APOL5: variants seen among roughly 807,000 people sequenced by gnomAD.
APOL5 encodes apolipoprotein L5, also known as apolipoprotein L, 5.
In APOL5, 29 loss-of-function variants were observed where a neutral mutation model predicts 35.5. The ratio of observed to expected loss-of-function variants is 0.82; its 90% CI spans 0.61 to 1.11. The LOEUF (loss-of-function observed/expected upper bound fraction) is 1.11. Ranked by LOEUF, APOL5 falls within the 50% of genes most tolerant of loss-of-function variation. The probability of loss-of-function intolerance (pLI) is 0.00; values close to 1 mark genes in which losing one functional copy is unlikely to be tolerated. For synonymous variants in APOL5, 188 were observed against 200.2 expected (o/e 0.94, Z 0.51); for missense variants, 514 against 530.4 (o/e 0.97, Z 0.30).
At chr22:35,708,652 C>G in the APOL5 span, among the ~76,000 whole-genome samples, 1 of 152,146 alleles carries the variant, frequency 6.6e-6, no homozygotes, top group Non-Finnish European at 1.5e-5. Flanking sequence ...GGTTACAGTT[C>G]TGTTCCAAGA....
chr22:35,720,490 C>G, intron 1 of APOL5, 78 bp from the exon 2 acceptor site: 1 of 1,304,894 alleles, frequency 7.7e-7, no homozygotes, highest in Non-Finnish European at 1.1e-6. Context: ...AGACAGCCAA[C>G]TTTCCCGGAG....
Position 35,725,543 on chromosome 22 carries a change from G to A in APOL5, c.143-668G>A, listed in dbSNP as rs569287406. ...GCTGGGATTACAGGCGTGAGCCACCGCGCCTGGCCAGGACTGGTTTTTTTT... is the reference window on the plus strand; with the variant it reads ...GCTGGGATTACAGGCGTGAGCCACCACGCCTGGCCAGGACTGGTTTTTTTT... On this transcript the variant is annotated intron_variant, in intron 2 of 4. Transcript: ENST00000249044. Among the ~76,000 whole-genome samples, 86 of 151,578 alleles carry A rather than the reference G, an allele frequency of 5.7e-4. 1 individual carries two copies. In the South Asian group the frequency reaches 7.3e-3, roughly 13 times the overall value.
At chr22:35,728,380 C>T (rs1186717503) in intron 3 of APOL5, among the ~76,000 whole-genome samples, 3 of 152,170 alleles carry the variant, frequency 2.0e-5, no homozygotes, top group Non-Finnish European at 4.4e-5. Flanking sequence ...CCCGCCACGA[C>T]GCCTGGCTAA....
the APOL5 span, among the ~76,000 whole-genome samples, chr22:35,708,957 T>C: frequency 5.6e-3 from 857 of 152,314 alleles, 4 homozygotes; most frequent in African/African-American, 0.02. Context: ...CGAATGAACT[T>C]TAATTTCCTT....
chr22:35,721,681 G>A (rs1569151898), intron 2 of APOL5, among the ~76,000 whole-genome samples: 1 of 152,094 alleles, frequency 6.6e-6, no homozygotes. Context: ...TCCTTCCTGG[G>A]TCTGCCTTCA....
chr22:35,723,247 C>A, intron 2 of APOL5, among the ~76,000 whole-genome samples: 1 of 152,178 alleles, frequency 6.6e-6, no homozygotes, highest in Admixed American at 6.5e-5. Context: ...ATCCATCAAA[C>A]CCAAGCCAAG....
At chr22:35,723,479 C>T (rs1927042625) in intron 2 of APOL5, among the ~76,000 whole-genome samples, 1 of 152,210 alleles carries the variant, frequency 6.6e-6, no homozygotes, top group African/African-American at 2.4e-5. Flanking sequence ...AATGATTCAA[C>T]AGGAAAATTG....
At chr22:35,721,876 G>A (rs1033710916) in intron 2 of APOL5, among the ~76,000 whole-genome samples, 5 of 152,150 alleles carry the variant, frequency 3.3e-5, no homozygotes, top group African/African-American at 9.7e-5. Flanking sequence ...GTGTCCATAA[G>A]GTTCTCTAAA....
intron 2 of APOL5, among the ~76,000 whole-genome samples, chr22:35,725,308 C>T (rs527474957): frequency 1.5e-4 from 23 of 152,232 alleles, no homozygotes; most frequent in Non-Finnish European, 2.8e-4. Flanking sequence ...CTCTGTCACC[C>T]AGGCCGGAGT....
chr22:35,721,554 A>AT (rs1333020065), intron 2 of APOL5, among the ~76,000 whole-genome samples: 2 of 151,188 alleles, frequency 1.3e-5, no homozygotes, highest in Non-Finnish European at 1.5e-5. Context: ...TAAAAAAAAA[A>AT]AATCCTTTGG....
chr22:35,728,317 G>C (rs907857477), intron 3 of APOL5, among the ~76,000 whole-genome samples: 1 of 152,134 alleles, frequency 6.6e-6, no homozygotes, highest in Non-Finnish European at 1.5e-5. Context: ...TCCGCCTCCC[G>C]GGTTCACGCC....
chr22:35,713,118 C>T (rs974457467), upstream of APOL5, among the ~76,000 whole-genome samples: 4 of 152,254 alleles, frequency 2.6e-5, no homozygotes, highest in African/African-American at 9.6e-5. Flanking sequence ...TTGCAGTTAT[C>T]AACATCTTCT....
chr22:35,716,665 T>C (rs904996112), upstream of APOL5, among the ~76,000 whole-genome samples: 3 of 152,038 alleles, frequency 2.0e-5, no homozygotes. Context: ...TAGCCCTAAA[T>C]CTCCCTCCCT....
At chr22:35,709,367 TCACACACA>T in the APOL5 span, among the ~76,000 whole-genome samples, 13 of 149,822 alleles carry the variant, frequency 8.7e-5, no homozygotes, top group Non-Finnish European at 1.8e-4. Context: ...CACAAAATTT[TCACACACA>T]CACACACACA....
chr22:35,723,773 C>T (rs947357786), intron 2 of APOL5, among the ~76,000 whole-genome samples: 1 of 152,154 alleles, frequency 6.6e-6, no homozygotes, highest in African/African-American at 2.4e-5. Context: ...AGCAGCCTGG[C>T]CAACATGGCA....
At chr22:35,725,019 C>T (rs1927101120) in intron 2 of APOL5, among the ~76,000 whole-genome samples, 1 of 152,178 alleles carries the variant, frequency 6.6e-6, no homozygotes, top group Admixed American at 6.5e-5. Flanking sequence ...GCTAAAAACA[C>T]ACGGCCACCC....
At chr22:35,713,453 A>G (rs1926648111), upstream of APOL5, among the ~76,000 whole-genome samples, 1 of 151,858 alleles carries the variant, frequency 6.6e-6, no homozygotes, top group Non-Finnish European at 1.5e-5. Context: ...TCCACCTACC[A>G]TTGGTGTTTC....
chr22:35,710,968 G>C, the APOL5 span, among the ~76,000 whole-genome samples: 4 of 152,166 alleles, frequency 2.6e-5, no homozygotes, highest in African/African-American at 9.7e-5. Flanking sequence ...GAAGTTCAAG[G>C]CCAGACTGGC....
At chr22:35,722,313 G>A (rs1202262078) in intron 2 of APOL5, among the ~76,000 whole-genome samples, 1 of 152,072 alleles carries the variant, frequency 6.6e-6, no homozygotes, top group Non-Finnish European at 1.5e-5. Context: ...GCAGACTAGA[G>A]GCTTCAGGAA....
Sources: gnomAD v4.1 joint callset for allele counts (sites outside exome capture counted in the v4.1 genomes callset) on GRCh38, gnomAD v4.1.1 for gene constraint, MANE v1.5 for transcripts, NCBI Gene and HGNC (gene_info 2026-07-23, HGNC 2026-07-21) for gene names.